Variants in PRH1 observed in about 807,000 individuals in gnomAD.
The protein encoded by PRH1 is salivary acidic proline-rich phosphoprotein 1/2.
A neutral mutation model predicts 7.9 loss-of-function variants in PRH1; 7 were observed. The ratio of observed to expected loss-of-function variants is 0.89; its 90% CI spans 0.50 to 1.67. PRH1 has a LOEUF of 1.67. Among genes scored for constraint, PRH1 ranks in the 40% most tolerant of loss-of-function variants. The pLI, the probability that PRH1 is intolerant of heterozygous loss-of-function variation, is 0.00. For missense variants in PRH1, 109 were observed against 223.6 expected, an observed-to-expected ratio of 0.49 and a Z score of 3.27; for synonymous variants, 45 against 80.8, an observed-to-expected ratio of 0.56 and a Z score of 2.38.
chr12:11,115,390 G>A (rs1026385787), intron 1 of PRH1, among the ~76,000 whole-genome samples: 1 of 151,014 alleles, frequency 6.6e-6, no homozygotes, highest in Non-Finnish European at 1.5e-5. Context: ...GGAGCACCCA[G>A]ATATATAAAG....
intron 1 of PRH1, among the ~76,000 whole-genome samples, chr12:11,107,382 A>T (rs1565660304): frequency 6.6e-6 from 1 of 152,212 alleles, no homozygotes; most frequent in Non-Finnish European, 1.5e-5. Flanking sequence ...AGAGAAATAA[A>T]AGGCCAAAAT....
intron 2 of PRH1, among the ~76,000 whole-genome samples, chr12:10,921,615 CTATT>C (rs1161651503): frequency 2.0e-5 from 3 of 152,020 alleles, no homozygotes; most frequent in African/African-American, 4.8e-5. Context: ...TTTTGATTTT[CTATT>C]TATTTATTCA....
At chr12:11,015,737 A>G (rs996347502) in intron 1 of PRH1, among the ~76,000 whole-genome samples, 1 of 152,170 alleles carries the variant, frequency 6.6e-6, no homozygotes, top group Non-Finnish European at 1.5e-5. Context: ...GTGGCAAATC[A>G]TAACTCACTA....
chr12:11,042,752 C>A (rs564864795), intron 1 of PRH1, among the ~76,000 whole-genome samples: 1 of 151,402 alleles, frequency 6.6e-6, no homozygotes, highest in Middle Eastern at 3.4e-3. Context: ...GCCTCAGCCT[C>A]CCGAGTAGCT....
intron 1 of PRH1, among the ~76,000 whole-genome samples, chr12:11,014,598 T>G (rs1482368007): frequency 6.6e-6 from 1 of 152,120 alleles, no homozygotes; most frequent in Non-Finnish European, 1.5e-5. Flanking sequence ...GCCTTTGAAG[T>G]GGAAAATCAA....
chr12:10,908,551 T>A, intron 2 of PRH1: 1 of 1,613,912 alleles, frequency 6.2e-7, no homozygotes, highest in South Asian at 1.1e-5. Context: ...ATCCATGATA[T>A]GAGAACACAT....
At chr12:10,953,093 C>A (rs1405266653) in intron 2 of PRH1, among the ~76,000 whole-genome samples, 7 of 151,422 alleles carry the variant, frequency 4.6e-5, no homozygotes, top group Admixed American at 2.0e-4. Context: ...AGTGAAACCC[C>A]AAAGTGTGTC....
intron 2 of PRH1, among the ~76,000 whole-genome samples, chr12:10,926,901 T>C (rs780608584): frequency 5.3e-5 from 8 of 152,148 alleles, no homozygotes; most frequent in African/African-American, 1.9e-4. Context: ...ACATCCATAG[T>C]AGAAGGGAAT....
In PRH1 at chr12:10,908,684, C is replaced by T. The variant is rs763059068; in HGVS notation, c.-58-24409G>A. ...GTTGCATTTTCTGGAGATGTTTCTG[C>T]AGGGAGAAAATTAACAGGAGAAAAG... On this transcript the variant is annotated intron_variant, in intron 2 of 3. Transcript: ENST00000539853. The T allele has an allele frequency of 1.4e-5, 23 of 1,613,578 alleles. No individual in the cohort carries two copies. In the Admixed American group the frequency reaches 3.7e-4, roughly 26 times the overall value.
intron 1 of PRH1, among the ~76,000 whole-genome samples, chr12:11,146,033 CATAGAT>C (rs776811407): frequency 1.1e-4 from 17 of 152,078 alleles, no homozygotes; most frequent in Admixed American, 5.9e-4. Flanking sequence ...TACATAGATA[CATAGAT>C]ATAAAGTGTA....
Position 11,030,521 on chromosome 12 carries a change from G to A in PRH1, c.-126+16499C>T, listed in dbSNP as rs775769698. 182 of 1,614,108 alleles carry A rather than the reference G, an allele frequency of 1.1e-4. No homozygotes were observed. The highest frequency in any genetic ancestry group is 1.5e-4 in the Non-Finnish European group (177 of 1,180,032). ...AATCAGGATGAATGGGTGGATTGAA[G>A]GATAGCTGAATCTAATAGCTTTGCA... On this transcript the variant is annotated intron_variant, in intron 1 of 3. Coordinates refer to the PRH1 transcript ENST00000539853.
At chr12:11,016,604 G>C (rs935025205) in intron 1 of PRH1, among the ~76,000 whole-genome samples, 2 of 152,196 alleles carry the variant, frequency 1.3e-5, no homozygotes, top group Admixed American at 1.3e-4. Flanking sequence ...GCCTCCAAAA[G>C]TGCGGGGACT....
chr12:10,990,581 C>T (rs547780546), intron 1 of PRH1, among the ~76,000 whole-genome samples: 35 of 152,196 alleles, frequency 2.3e-4, no homozygotes, highest in Middle Eastern at 3.4e-3. Flanking sequence ...AGATGAGAAG[C>T]CACTGAAAAA....
intron 1 of PRH1, among the ~76,000 whole-genome samples, chr12:11,113,922 T>C (rs891855671): frequency 6.6e-6 from 1 of 152,184 alleles, no homozygotes; most frequent in Non-Finnish European, 1.5e-5. Flanking sequence ...TCATCATCAC[T>C]GCTCATTAGA....
intron 2 of PRH1, among the ~76,000 whole-genome samples, chr12:10,930,023 C>G (rs1950180664): frequency 6.6e-6 from 1 of 151,980 alleles, no homozygotes; most frequent in African/African-American, 2.4e-5. Flanking sequence ...AGCACTAAGG[C>G]TTAAGGAATC....
At chr12:11,107,843 C>T (rs1340189984) in intron 1 of PRH1, among the ~76,000 whole-genome samples, 2 of 152,090 alleles carry the variant, frequency 1.3e-5, no homozygotes, top group African/African-American at 4.8e-5. Flanking sequence ...AAGAAGACTA[C>T]CTCAAAGAAT....
chr12:10,904,822 T>C (rs1949779403), intron 2 of PRH1, among the ~76,000 whole-genome samples: 1 of 151,838 alleles, frequency 6.6e-6, no homozygotes, highest in Non-Finnish European at 1.5e-5. Flanking sequence ...TGGAAACAAT[T>C]GAACAAGCAG....
intron 2 of PRH1, among the ~76,000 whole-genome samples, chr12:10,934,291 T>C (rs1044905615): frequency 6.6e-6 from 1 of 152,160 alleles, no homozygotes; most frequent in African/African-American, 2.4e-5. Flanking sequence ...TGCTCATCTG[T>C]AAAGATAACT....
chr12:11,088,796 T>A lies in PRH1; in HGVS notation n.124-41608A>T, dbSNP rs1944792573. 2.6e-5 allele frequency among the ~76,000 whole-genome samples: 3 copies of A among 115,616 alleles called. 1 individual carries two copies. Among genetic ancestry groups the A allele is most frequent in the Admixed American group, 2.6e-4 (3 of 11,590 alleles). The allele number at this position is 115,616 out of a possible 152,430, so 75.8% of individuals were successfully genotyped here. On this transcript the variant is annotated intron_variant and non_coding_transcript_variant, in intron 1 of 4. Coordinates refer to the PRH1 transcript ENST00000541977. Reference sequence around the variant, plus strand: ...CACTGTGCCAGATGATCCAGCAGGATTCAAAGATGCTAGAAACATACATAG... The same window carrying A: ...CACTGTGCCAGATGATCCAGCAGGAATCAAAGATGCTAGAAACATACATAG...
Sources: gnomAD v4.1 joint callset for allele counts (sites outside exome capture counted in the v4.1 genomes callset) on GRCh38, gnomAD v4.1.1 for gene constraint, MANE v1.5 for transcripts, NCBI Gene and HGNC (gene_info 2026-07-23, HGNC 2026-07-21) for gene names.